The following NMT2 variants were observed in gnomAD, a reference collection of about 807,000 sequenced individuals.
NMT2 encodes the protein N-myristoyltransferase 2, also known as glycylpeptide N-tetradecanoyltransferase 2.
Under a neutral mutation model 65.4 loss-of-function variants are expected in NMT2, and 35 were observed. The observed-to-expected ratio is 0.54, with a 90% CI of 0.41 to 0.71. The LOEUF (loss-of-function observed/expected upper bound fraction) is 0.71, where lower values mean the gene tolerates loss of function less well. Among genes scored for constraint, NMT2 ranks in the 30% least tolerant of loss-of-function variants. The pLI is 0.00. For missense variants in NMT2, 489 were observed against 611.3 expected, an observed-to-expected ratio of 0.80 and a Z score of 2.11; for synonymous variants, 226 against 231.8, an observed-to-expected ratio of 0.98 and a Z score of 0.23.
chr10:15,132,727 C>T (rs766897592), intron 6 of NMT2, 90 bp downstream of exon 6: 7 of 953,076 alleles, frequency 7.3e-6, no homozygotes, highest in Non-Finnish European at 1.1e-5. Context: ...TGCGCTTGGC[C>T]TGCATTCAGT....
intron 11 of NMT2, 108 bp from the exon 12 acceptor site, chr10:15,109,323 C>T: frequency 7.2e-7 from 1 of 1,390,596 alleles, no homozygotes; most frequent in South Asian, 1.4e-5. Context: ...ACCTGTAATC[C>T]CGGCACTTTG....
At chr10:15,113,463 C>CAAAAAAAAAAAAAAAAAAAAAAAAAAAAA (rs1169255963) in intron 9 of NMT2, among the ~76,000 whole-genome samples, 3 of 37,004 alleles carry the variant, frequency 8.1e-5, no homozygotes, top group African/African-American at 1.8e-4. Context: ...GGATGAGACT[C>CAAAAAAAAAAAAAAAAAAAAAAAAAAAAA]AAAAAAAAAA....
intron 6 of NMT2, among the ~76,000 whole-genome samples, 163 bp from the exon 7 acceptor site, chr10:15,130,475 G>A (rs548464135): frequency 1.3e-5 from 2 of 152,206 alleles, no homozygotes; most frequent in African/African-American, 2.4e-5. Flanking sequence ...GGGAGGCCAA[G>A]GCAGGTGGAT....
rs1845382148 is a variant in NMT2 at position 15,108,339 on chromosome 10, A to G, written c.*856T>C. On this transcript the variant is annotated 3_prime_UTR_variant, in exon 12 of 12. Coordinates refer to ENST00000378165, the MANE Select transcript of NMT2 (RefSeq NM_004808.3). ...GCAGCTGGGACTACAGGCACACGCCACCACGCCCGGCTAATTTTTGTATTT... is the reference window on the plus strand; with the variant it reads ...GCAGCTGGGACTACAGGCACACGCCGCCACGCCCGGCTAATTTTTGTATTT... 15 of 478,136 alleles carry G rather than the reference A, an allele frequency of 3.1e-5. No individual in the cohort carries two copies. The highest frequency in any genetic ancestry group is 4.1e-5 in the Non-Finnish European group (15 of 366,764). The allele number at this position is 478,136 out of a possible 1,614,324, so 29.6% of individuals were successfully genotyped here.
chr10:15,130,703 C>CAAAAAAAAAAAAAAA (rs974360507), intron 6 of NMT2, among the ~76,000 whole-genome samples: 32 of 28,460 alleles, frequency 1.1e-3, no homozygotes, highest in South Asian at 2.0e-3. Flanking sequence ...GGCCCTGTCT[C>CAAAAAAAAAAAAAAA]AAAAAAAAAA....
Position 15,109,767 on chromosome 10 carries a change from T to C in NMT2, c.1411A>G (p.Ile471Val), listed in dbSNP as rs571914695. Residue 471 changes from isoleucine (I) to valine (V), a missense_variant, in exon 11 of 12, where the codon ATA (isoleucine) becomes GTA (valine). Physicochemically the swap from Ile to Val is conservative, Grantham distance 29 (BLOSUM62 3). Coordinates refer to ENST00000378165, the MANE Select transcript of NMT2 (RefSeq NM_004808.3). ...KTFLEKLKFGIGDGNLQYYLY... is the reference protein window; with the variant it reads ...KTFLEKLKFGVGDGNLQYYLY... ...TAATACTGCAAATTGCCATCTCCTATACCAAACTTGAGTTTTTCCAAGAAT... is the reference window on the plus strand; with the variant it reads ...TAATACTGCAAATTGCCATCTCCTACACCAAACTTGAGTTTTTCCAAGAAT... 78 of 1,613,790 alleles carry C rather than the reference T, an allele frequency of 4.8e-5. No homozygotes were observed. Among genetic ancestry groups the C allele is most frequent in the Admixed American group, 3.7e-4 (22 of 59,992 alleles).
intron 10 of NMT2, 125 bp from the exon 11 acceptor site, chr10:15,109,964 A>T: frequency 2.7e-6 from 2 of 732,706 alleles, no homozygotes; most frequent in Non-Finnish European, 4.3e-6. Context: ...AACGTCCGTG[A>T]TATATAGCAT....
intron 1 of NMT2, 92 bp from the exon 2 acceptor site, chr10:15,141,649 C>T: frequency 6.9e-7 from 1 of 1,445,400 alleles, no homozygotes; most frequent in African/African-American, 1.4e-5. Flanking sequence ...TCAAAAAACA[C>T]AGCTGTTACA....
At chr10:15,135,965 G>A (rs1382751113) in intron 2 of NMT2, among the ~76,000 whole-genome samples, 2 of 151,734 alleles carry the variant, frequency 1.3e-5, no homozygotes, top group African/African-American at 4.9e-5. Flanking sequence ...GGTGTCTCAC[G>A]CCTATAATCC....
At chr10:15,110,213 C>T (rs1239444875) in intron 10 of NMT2, among the ~76,000 whole-genome samples, 1 of 151,642 alleles carries the variant, frequency 6.6e-6, no homozygotes, top group African/African-American at 2.4e-5. Context: ...GTAGAGGTGG[C>T]AGTGAGCCGA....
In NMT2 at chr10:15,129,721, C is replaced by A. The variant is rs189504889; in HGVS notation, c.890+421G>T. Among the ~76,000 whole-genome samples the A allele has an allele frequency of 7.9e-3, 1,202 of 152,028 alleles. 9 individuals carry two copies. Among genetic ancestry groups the A allele is most frequent in the Middle Eastern group, 0.014 (4 of 290 alleles). ...GTCAGGAGTTCAAGACCAGCCTGACCAACATGGTGAAACCCTGTCTCTACT... is the reference window on the plus strand; with the variant it reads ...GTCAGGAGTTCAAGACCAGCCTGACAAACATGGTGAAACCCTGTCTCTACT... On this transcript the variant is annotated intron_variant, in intron 7 of 11. Transcript: ENST00000378165.
intron 9 of NMT2, among the ~76,000 whole-genome samples, chr10:15,116,427 C>T (rs1173618582): frequency 1.3e-5 from 2 of 152,100 alleles, no homozygotes; most frequent in Non-Finnish European, 2.9e-5. Context: ...ATAGCTAAAG[C>T]AGTGCAGAGA....
chr10:15,128,124 A>G (rs958430369), intron 8 of NMT2, among the ~76,000 whole-genome samples: 4 of 152,274 alleles, frequency 2.6e-5, no homozygotes, highest in African/African-American at 7.2e-5. Flanking sequence ...GTCTTATCCA[A>G]CTACCAATGA....
At chr10:15,134,356 G>A (rs1846396772) in intron 3 of NMT2, among the ~76,000 whole-genome samples, 2 of 152,272 alleles carry the variant, frequency 1.3e-5, no homozygotes, top group South Asian at 4.1e-4. Context: ...TGATGACCGG[G>A]GCAGGCCTCA....
rs967135920 is a variant in NMT2 at position 15,168,229 on chromosome 10, C to T, written c.110+274G>A. ...GGGCCAGGCCGCCGGCGGGGATGGGCGAGGCTGGCCGGGGGCGCGCGGCAA... is the reference window on the plus strand; with the variant it reads ...GGGCCAGGCCGCCGGCGGGGATGGGTGAGGCTGGCCGGGGGCGCGCGGCAA... On this transcript the variant is annotated intron_variant, in intron 1 of 11. Transcript: ENST00000378165. 7.1e-5 allele frequency: 23 copies of T among 323,812 alleles called. 1 individual carries two copies. In the East Asian group the frequency reaches 1.2e-3, roughly 17 times the overall value. The allele number at this position is 323,812 out of a possible 1,614,324, so 20.1% of individuals were successfully genotyped here.
rs978611194 is a variant in NMT2, at chr10:15,148,506, T to C, written c.111-6949A>G. Among the ~76,000 whole-genome samples the C allele has an allele frequency of 7.9e-5, 12 of 152,274 alleles. No homozygotes were observed. The South Asian group carries it at 2.5e-3, about 32-fold the overall frequency. ...CAGCCTGGGCAACAGAGTGAGACCCTGTCTCAAATAAATAAATAGTATTAG... is the reference window on the plus strand; with the variant it reads ...CAGCCTGGGCAACAGAGTGAGACCCCGTCTCAAATAAATAAATAGTATTAG... On this transcript the variant is annotated intron_variant, in intron 1 of 11. Coordinates refer to ENST00000378165, the MANE Select transcript of NMT2 (RefSeq NM_004808.3).
intron 1 of NMT2, among the ~76,000 whole-genome samples, chr10:15,150,089 G>A (rs60200738): frequency 6.6e-6 from 1 of 152,090 alleles, no homozygotes; most frequent in African/African-American, 2.4e-5. Context: ...AACACTACTA[G>A]GAAAAAAATA....
At chr10:15,118,273 C>A (rs1176719485) in intron 9 of NMT2, among the ~76,000 whole-genome samples, 1 of 152,216 alleles carries the variant, frequency 6.6e-6, no homozygotes, top group Admixed American at 6.5e-5. Context: ...CACAGTGGCT[C>A]ACACCTATAA....
chr10:15,108,240 T>A lies in NMT2; in HGVS notation c.*955A>T. 1 of 949,210 alleles carries A rather than the reference T, an allele frequency of 1.1e-6. No homozygotes were observed. The allele number at this position is 949,210 out of a possible 1,614,324, so 58.8% of individuals were successfully genotyped here. On this transcript the variant is annotated 3_prime_UTR_variant, in exon 12 of 12. Transcript: ENST00000378165. ...TCACGCTCTGTCACCCAGGCTGGAG[T>A]GCAGTGGCTCGATCTCGGCTCACTG...
Sources: gnomAD v4.1 joint callset for allele counts (sites outside exome capture counted in the v4.1 genomes callset) on GRCh38, gnomAD v4.1.1 for gene constraint, MANE v1.5 for transcripts, NCBI Gene and HGNC (gene_info 2026-07-23, HGNC 2026-07-21) for gene names.